Variants in HOMER1 observed in about 807,000 individuals in gnomAD.
HOMER1 encodes homer protein homolog 1.
A neutral mutation model predicts 48.9 loss-of-function variants in HOMER1; 3 were observed. The ratio of observed to expected loss-of-function variants is 0.06; its 90% CI spans 0.03 to 0.16. HOMER1 has a LOEUF of 0.16. Ranked by LOEUF, HOMER1 falls within the 10% of genes least tolerant of loss-of-function variation. The pLI is 1.00. For missense variants in HOMER1, 247 were observed against 411.4 expected, an observed-to-expected ratio of 0.60 and a Z score of 3.46; for synonymous variants, 134 against 146.4, an observed-to-expected ratio of 0.92 and a Z score of 0.61.
chr5:79,432,129 A>G (rs1367350586), intron 5 of HOMER1, among the ~76,000 whole-genome samples: 1 of 152,224 alleles, frequency 6.6e-6, no homozygotes, highest in Non-Finnish European at 1.5e-5. Context: ...GCCTAGGTTT[A>G]CACCTTGATC....
At chr5:79,499,931 T>C (rs933335478) in intron 1 of HOMER1, among the ~76,000 whole-genome samples, 2 of 152,172 alleles carry the variant, frequency 1.3e-5, no homozygotes, top group African/African-American at 4.8e-5. Flanking sequence ...ACCATAAACT[T>C]TGAATAACAC....
At chr5:79,460,307 C>T (rs150010562) in intron 1 of HOMER1, among the ~76,000 whole-genome samples, 1 of 152,230 alleles carries the variant, frequency 6.6e-6, no homozygotes, top group Non-Finnish European at 1.5e-5. Flanking sequence ...ATTAGTCTGG[C>T]GTGGTGGTGC....
chr5:79,502,265 G>A (rs372667003), intron 1 of HOMER1, among the ~76,000 whole-genome samples: 15 of 152,054 alleles, frequency 9.9e-5, no homozygotes, highest in Middle Eastern at 3.4e-3. Flanking sequence ...TGATCTGCCC[G>A]CCTTGGCCTC....
chr5:79,478,169 C>G (rs974978544), intron 1 of HOMER1, among the ~76,000 whole-genome samples: 1 of 152,148 alleles, frequency 6.6e-6, no homozygotes, highest in Non-Finnish European at 1.5e-5. Flanking sequence ...TATTACTGTT[C>G]TGTACTGATT....
chr5:79,403,680 G>C (rs964516475), intron 5 of HOMER1, among the ~76,000 whole-genome samples: 11 of 152,160 alleles, frequency 7.2e-5, no homozygotes, highest in Non-Finnish European at 1.6e-4. Flanking sequence ...GGGTTAGTTA[G>C]TAGTATTGTA....
chr5:79,512,699 A>C, intron 1 of HOMER1, 71 bp downstream of exon 1: 1 of 1,435,222 alleles, frequency 7.0e-7, no homozygotes, highest in Non-Finnish European at 9.8e-7. Flanking sequence ...ACAAAACACA[A>C]TCACCACCAC....
chr5:79,470,226 G>A (rs1345090570), intron 1 of HOMER1, among the ~76,000 whole-genome samples: 1 of 152,142 alleles, frequency 6.6e-6, no homozygotes, highest in South Asian at 2.1e-4. Context: ...TCACAATCCA[G>A]GGAGTCATGA....
intron 1 of HOMER1, among the ~76,000 whole-genome samples, chr5:79,500,994 A>ACACACACACACACACACACACACAC (rs1491137703): frequency 1.4e-5 from 2 of 143,020 alleles, no homozygotes; most frequent in African/African-American, 2.6e-5. Context: ...ACACACACAC[A>ACACACACACACACACACACACACAC]AGGTCTGGCT....
At chr5:79,466,375 C>T (rs781335520) in intron 1 of HOMER1, among the ~76,000 whole-genome samples, 3 of 151,878 alleles carry the variant, frequency 2.0e-5, no homozygotes, top group Non-Finnish European at 2.9e-5. Flanking sequence ...GGCATGGTGG[C>T]GCACACCTGT....
chr5:79,479,817 T>G (rs909217655), intron 1 of HOMER1, among the ~76,000 whole-genome samples: 4 of 130,404 alleles, frequency 3.1e-5, no homozygotes, highest in Non-Finnish European at 6.0e-5. Context: ...AATTCTATTA[T>G]ATGTGTTTTT....
intron 1 of HOMER1, among the ~76,000 whole-genome samples, chr5:79,468,965 T>C (rs1285061336): frequency 1.3e-5 from 2 of 152,264 alleles, no homozygotes; most frequent in Admixed American, 1.3e-4. Flanking sequence ...CAAATTGCTA[T>C]ACTCATTTCT....
rs1263838007 is a variant in HOMER1, at chr5:79,373,296, G to T, written c.*2713C>A. ...ATTTCAAAATAAAAACTGTATTTTT[G>T]CTTTTCTTTTTTTTTTTCAATTTTT... On this transcript the variant is annotated 3_prime_UTR_variant, in exon 9 of 9. Transcript: ENST00000334082. 3 of 151,172 alleles carry T rather than the reference G, an allele frequency of 2.0e-5. No homozygotes were observed. Among genetic ancestry groups the T allele is most frequent in the East Asian group, 1.9e-4 (1 of 5,172 alleles). The allele number at this position is 151,172 out of a possible 1,614,324, so 9.4% of individuals were successfully genotyped here.
rs1039478147 is a variant in HOMER1, at chr5:79,474,207, T to A, written c.6-17189A>T. ...TGTGCACCATCATGCCCAACCAAAA[T>A]TTTTTTTTTTTTTTTTTTTTTTTTT... On this transcript the variant is annotated intron_variant, in intron 1 of 8. Transcript: ENST00000334082. Among the ~76,000 whole-genome samples the A allele has an allele frequency of 8.5e-3, 410 of 48,480 alleles. 3 individuals carry two copies. The highest frequency in any genetic ancestry group is 0.077 in the African/African-American group (368 of 4,766). 31.8% of individuals were successfully genotyped at this position (48,480 alleles called of 152,430 possible). A position where few individuals can be genotyped will look rare whatever the true frequency, so the allele number is the denominator to read the frequency against.
chr5:79,474,348 T>C (rs1010269543), intron 1 of HOMER1, among the ~76,000 whole-genome samples: 3 of 149,068 alleles, frequency 2.0e-5, no homozygotes, highest in Admixed American at 2.0e-4. Flanking sequence ...CTACTGCTCC[T>C]GGCCTTTCTA....
At chr5:79,425,516 A>G (rs1750222563) in intron 5 of HOMER1, among the ~76,000 whole-genome samples, 1 of 152,090 alleles carries the variant, frequency 6.6e-6, no homozygotes, top group Non-Finnish European at 1.5e-5. Flanking sequence ...GTATTAGTTC[A>G]AGGCTGAACA....
intron 2 of HOMER1, among the ~76,000 whole-genome samples, chr5:79,456,145 C>CA (rs66567622): frequency 0.28 from 31,932 of 112,200 alleles, 4,122 homozygotes; most frequent in South Asian, 0.36. Flanking sequence ...GACTCCGTCT[C>CA]AAAAAAAAAA....
intron 1 of HOMER1, among the ~76,000 whole-genome samples, chr5:79,492,328 G>A (rs1752299979): frequency 6.6e-6 from 1 of 152,114 alleles, no homozygotes; most frequent in Non-Finnish European, 1.5e-5. Context: ...ACTGAAAAGT[G>A]TACCCTGTCT....
chr5:79,466,466 C>T (rs566986896), intron 1 of HOMER1, among the ~76,000 whole-genome samples: 1 of 151,572 alleles, frequency 6.6e-6, no homozygotes, highest in East Asian at 2.0e-4. Context: ...CCACTGCACT[C>T]CAGCCTGGCC....
At chr5:79,387,264 C>G (rs140529050) in intron 8 of HOMER1, among the ~76,000 whole-genome samples, 43 of 152,020 alleles carry the variant, frequency 2.8e-4, no homozygotes, top group Non-Finnish European at 5.4e-4. Flanking sequence ...GTAGCTAGGA[C>G]TATAGGTGCA....
Sources: gnomAD v4.1 joint callset for allele counts (sites outside exome capture counted in the v4.1 genomes callset) on GRCh38, gnomAD v4.1.1 for gene constraint, MANE v1.5 for transcripts, NCBI Gene and HGNC (gene_info 2026-07-23, HGNC 2026-07-21) for gene names.